LRCH1: variants seen among roughly 807,000 people sequenced by gnomAD.
LRCH1 encodes the protein leucine rich repeats and calponin homology domain containing 1, also known as leucine-rich repeat and calponin homology domain-containing protein 1.
Under a neutral mutation model 94.9 loss-of-function variants are expected in LRCH1, and 23 were observed. The observed-to-expected ratio is 0.24, with a 90% CI of 0.17 to 0.34. The LOEUF (loss-of-function observed/expected upper bound fraction) is 0.34, where lower values mean the gene tolerates loss of function less well. LRCH1 is among the 10% of genes least tolerant of loss of function. The pLI, the probability that LRCH1 is intolerant of heterozygous loss-of-function variation, is 1.00. For synonymous variants in LRCH1, 364 were observed against 354.9 expected (o/e 1.03, Z -0.29); for missense variants, 790 against 945.9 (o/e 0.84, Z 2.16).
At chr13:46,712,787 G>A (rs1872136214) in intron 15 of LRCH1, among the ~76,000 whole-genome samples, 190 bp downstream of exon 15, 2 of 152,246 alleles carry the variant, frequency 1.3e-5, no homozygotes, top group Non-Finnish European at 2.9e-5. Flanking sequence ...CGTGTTATCA[G>A]TAGTGGATAT....
rs146809555 is a variant in LRCH1, at chr13:46,701,950, A to T, written c.1400+743A>T. Among the ~76,000 whole-genome samples the T allele has an allele frequency of 2.8e-3, 423 of 152,346 alleles. 4 individuals carry two copies. Among genetic ancestry groups the T allele is most frequent in the Non-Finnish European group, 4.6e-3 (312 of 68,030 alleles). ...GGTTCTGCAAATTTATGAAAAGCGT[A>T]GTTAGTGTATCCCAGAATGCTGATG... On this transcript the variant is annotated intron_variant, in intron 11 of 19. Coordinates refer to ENST00000389797, the MANE Select transcript of LRCH1 (RefSeq NM_001164211.2).
intron 1 of LRCH1, among the ~76,000 whole-genome samples, chr13:46,597,611 C>T (rs1460848389): frequency 1.3e-5 from 2 of 152,122 alleles, no homozygotes; most frequent in Non-Finnish European, 2.9e-5. Flanking sequence ...CCAGCCTTGG[C>T]CTCCCAAAGT....
At chr13:46,575,323 C>CT (rs1175943437) in intron 1 of LRCH1, among the ~76,000 whole-genome samples, 2 of 152,088 alleles carry the variant, frequency 1.3e-5, no homozygotes, top group Non-Finnish European at 2.9e-5. Context: ...TATCGTATGA[C>CT]TTAGAGTCAC....
chr13:46,576,642 A>G (rs1766079690), intron 1 of LRCH1, among the ~76,000 whole-genome samples: 1 of 152,228 alleles, frequency 6.6e-6, no homozygotes, highest in African/African-American at 2.4e-5. Context: ...TGGCCCAGCC[A>G]GGATTAGAGG....
chr13:46,689,109 C>T, intron 6 of LRCH1, 24 bp from the exon 7 acceptor site: 1 of 1,561,654 alleles, frequency 6.4e-7, no homozygotes, highest in East Asian at 2.3e-5. Flanking sequence ...TAAATGAATT[C>T]AATATTGATG....
intron 1 of LRCH1, among the ~76,000 whole-genome samples, chr13:46,599,832 T>C (rs1177630959): frequency 1.3e-5 from 2 of 152,200 alleles, no homozygotes; most frequent in Admixed American, 1.3e-4. Flanking sequence ...TCAATGACCA[T>C]GAAGACAGTT....
At chr13:46,574,008 G>C (rs554696139) in intron 1 of LRCH1, among the ~76,000 whole-genome samples, 2 of 150,752 alleles carry the variant, frequency 1.3e-5, no homozygotes, top group Admixed American at 1.3e-4. Flanking sequence ...ACCATGCCCG[G>C]CTAATTTTTG....
At chr13:46,575,088 A>G (rs1456066255) in intron 1 of LRCH1, among the ~76,000 whole-genome samples, 2 of 152,116 alleles carry the variant, frequency 1.3e-5, no homozygotes, top group African/African-American at 4.8e-5. Flanking sequence ...ACTGGACAAG[A>G]ACCATCATCT....
chr13:46,608,118 G>A lies in LRCH1; in HGVS notation c.308-42083G>A, dbSNP rs1008223538. ...TCAGTGATTTGTGAAGGGCATCATA[G>A]GTCACAGATGCCTTTCCAAAGTTAC... On this transcript the variant is annotated intron_variant, in intron 1 of 19. Coordinates refer to ENST00000389797, the MANE Select transcript of LRCH1 (RefSeq NM_001164211.2). Among the ~76,000 whole-genome samples, 9 of 152,190 alleles carry A rather than the reference G, an allele frequency of 5.9e-5. No individual in the cohort carries two copies. The South Asian group carries it at 6.2e-4, about 11-fold the overall frequency.
intron 1 of LRCH1, among the ~76,000 whole-genome samples, chr13:46,573,902 C>T (rs1216277792): frequency 1.1e-5 from 1 of 93,514 alleles, no homozygotes; most frequent in East Asian, 3.6e-4. Flanking sequence ...TTACTCTATT[C>T]CCCAGACTGG....
chr13:46,632,726 G>T (rs970800760), intron 1 of LRCH1, among the ~76,000 whole-genome samples: 9 of 152,098 alleles, frequency 5.9e-5, no homozygotes, highest in Non-Finnish European at 1.3e-4. Flanking sequence ...ACAATTATTT[G>T]TTATTCATGA....
intron 3 of LRCH1, among the ~76,000 whole-genome samples, chr13:46,670,806 T>C (rs1045888720): frequency 2.1e-4 from 27 of 127,316 alleles, no homozygotes; most frequent in African/African-American, 7.7e-4. Context: ...TGGGATTTCC[T>C]AGGAGGAAAA....
rs78102419 is a variant in LRCH1, at chr13:46,620,395, C to G, written c.308-29806C>G. On this transcript the variant is annotated intron_variant, in intron 1 of 19. Transcript: ENST00000389797. ...AAAAAAAGCATATAATTTTGTTCTT[C>G]TTGTTTTTATGCTGATGAGGACATG... Among the ~76,000 whole-genome samples the G allele has an allele frequency of 5.2e-3, 786 of 151,624 alleles. 9 individuals carry two copies. Among genetic ancestry groups the G allele is most frequent in the African/African-American group, 0.018 (738 of 41,382 alleles).
intron 18 of LRCH1, 71 bp downstream of exon 18, chr13:46,729,055 T>C: frequency 7.0e-7 from 1 of 1,435,480 alleles, no homozygotes; most frequent in South Asian, 1.5e-5. Flanking sequence ...TGGTTTAGGA[T>C]GTCAATGGTG....
intron 8 of LRCH1, 43 bp downstream of exon 8, chr13:46,692,684 T>C: frequency 6.9e-7 from 1 of 1,445,764 alleles, no homozygotes; most frequent in Admixed American, 1.7e-5. Flanking sequence ...TTTTTCAGTT[T>C]CAAATGTTAT....
rs530468443 is a variant in LRCH1, at chr13:46,691,094, A to G, written c.1015-1442A>G. On this transcript the variant is annotated intron_variant, in intron 7 of 19. Transcript: ENST00000389797. Reference sequence around the variant, plus strand: ...CTGTGCATATGTCCAAAAGTAAACAAGGACAGACTCTGAAAACCATACCTC... The same window carrying G: ...CTGTGCATATGTCCAAAAGTAAACAGGGACAGACTCTGAAAACCATACCTC... Among the ~76,000 whole-genome samples, 8 of 152,372 alleles carry G rather than the reference A, an allele frequency of 5.3e-5. No homozygotes were observed. The East Asian group carries it at 1.3e-3, about 26-fold the overall frequency.
chr13:46,650,170 G>C (rs368757880), intron 1 of LRCH1, 31 bp from the exon 2 acceptor site: 1 of 1,541,616 alleles, frequency 6.5e-7, no homozygotes, highest in South Asian at 1.2e-5. Flanking sequence ...TTCAAATTTT[G>C]TTGAGAAAAT....
At chr13:46,641,299 A>G (rs9595503) in intron 1 of LRCH1, among the ~76,000 whole-genome samples, 3,280 of 152,272 alleles carry the variant, frequency 0.022, 134 homozygotes, top group African/African-American at 0.075. Context: ...ACATGACCCT[A>G]GATCCTACCT....
At chr13:46,609,712 T>C (rs1321543832) in intron 1 of LRCH1, among the ~76,000 whole-genome samples, 1 of 152,226 alleles carries the variant, frequency 6.6e-6, no homozygotes, top group Non-Finnish European at 1.5e-5. Context: ...CACCTCATGA[T>C]ACCCACAGTC....
Sources: gnomAD v4.1 joint callset for allele counts (sites outside exome capture counted in the v4.1 genomes callset) on GRCh38, gnomAD v4.1.1 for gene constraint, MANE v1.5 for transcripts, NCBI Gene and HGNC (gene_info 2026-07-23, HGNC 2026-07-21) for gene names.